The following SPATA6L variants were observed in gnomAD, a reference collection of about 807,000 sequenced individuals.
SPATA6L encodes spermatogenesis associated 6 like, also known as spermatogenesis associated 6-like protein.
A neutral mutation model predicts 49.2 loss-of-function variants in SPATA6L; 68 were observed. The ratio of observed to expected loss-of-function variants is 1.38; its 90% CI spans 1.14 to 1.69. The LOEUF is 1.69. Among genes scored for constraint, SPATA6L ranks in the 40% most tolerant of loss-of-function variants. The pLI is 0.00. For synonymous variants in SPATA6L, 198 were observed against 165.7 expected (o/e 1.19, Z -1.50); for missense variants, 668 against 464.3 (o/e 1.44, Z -4.03).
chr9:4,607,024 A>G (rs1340827883), intron 9 of SPATA6L, among the ~76,000 whole-genome samples: 1 of 150,488 alleles, frequency 6.6e-6, no homozygotes, highest in African/African-American at 2.5e-5. Flanking sequence ...CGATGCAATC[A>G]ACTGGAAGAA....
intron 5 of SPATA6L, chr9:4,626,346 C>A (rs757348723): frequency 8.0e-6 from 10 of 1,249,032 alleles, no homozygotes; most frequent in Non-Finnish European, 1.0e-5. Flanking sequence ...CCACAGGAAC[C>A]TTCCTCCAAG....
intron 9 of SPATA6L, among the ~76,000 whole-genome samples, chr9:4,615,169 A>G (rs902718356): frequency 2.6e-5 from 4 of 152,194 alleles, no homozygotes; most frequent in Non-Finnish European, 5.9e-5. Context: ...TCCATGAAAC[A>G]TTCCAGAAGT....
chr9:4,656,502 A>AAGGG (rs1395212179), intron 2 of SPATA6L, among the ~76,000 whole-genome samples: 13 of 128,862 alleles, frequency 1.0e-4, no homozygotes, highest in South Asian at 7.1e-4. Flanking sequence ...GGAAGGAAGG[A>AAGGG]AGGGAGGAGC....
At chr9:4,641,976 C>T (rs898296845) in intron 3 of SPATA6L, among the ~76,000 whole-genome samples, 1 of 152,130 alleles carries the variant, frequency 6.6e-6, no homozygotes, top group African/African-American at 2.4e-5. Flanking sequence ...CCATGTTTCC[C>T]GGGCTGTACC....
chr9:4,663,190 A>C (rs1840280941), intron 1 of SPATA6L: 1 of 1,613,978 alleles, frequency 6.2e-7, no homozygotes, highest in Admixed American at 1.7e-5. Flanking sequence ...TACATGCAGT[A>C]CAGCATCGTG....
At chr9:4,622,659 G>C (rs1476731593) in intron 6 of SPATA6L, 149 bp from the exon 7 acceptor site, 6 of 585,454 alleles carry the variant, frequency 1.0e-5, no homozygotes, top group Middle Eastern at 2.6e-4. Context: ...CAGTCTGCAA[G>C]TTTGTTACAT....
At chr9:4,604,129 A>C (rs1177754693) in intron 11 of SPATA6L, 50 bp downstream of exon 11, 4 of 1,282,670 alleles carry the variant, frequency 3.1e-6, no homozygotes, top group Non-Finnish European at 4.4e-6. Flanking sequence ...TCTTTTAGCA[A>C]ACCAAGATAA....
Position 4,656,477 on chromosome 9 carries a change from GA to G in SPATA6L, c.178-389del, listed in dbSNP as rs1167185179. On this transcript the variant is annotated intron_variant, in intron 2 of 11. Coordinates refer to ENST00000682582, the MANE Select transcript of SPATA6L (RefSeq NM_001353486.2). ...GGAAGGAAGGAAGGAAGGAAGGAAG[GA>G]AGGAAGGAAGGAAGGAAGGAAGGAA... Among the ~76,000 whole-genome samples the G allele has an allele frequency of 1.7e-4, 26 of 150,366 alleles. 1 individual carries two copies. Among genetic ancestry groups the G allele is most frequent in the African/African-American group, 6.4e-4 (26 of 40,456 alleles).
intron 3 of SPATA6L, among the ~76,000 whole-genome samples, chr9:4,648,958 A>G (rs1199684984): frequency 6.6e-6 from 1 of 152,166 alleles, no homozygotes; most frequent in African/African-American, 2.4e-5. Flanking sequence ...TACTTCGCTT[A>G]GAATAATAGT....
chr9:4,658,762 C>T (rs939490125), intron 2 of SPATA6L, among the ~76,000 whole-genome samples: 2 of 152,008 alleles, frequency 1.3e-5, no homozygotes, highest in Non-Finnish European at 2.9e-5. Flanking sequence ...AAGGCCAAGG[C>T]GGGCAGATCA....
At chr9:4,616,760 T>C (rs1828112078) in intron 9 of SPATA6L, among the ~76,000 whole-genome samples, 1 of 152,152 alleles carries the variant, frequency 6.6e-6, no homozygotes, top group African/African-American at 2.4e-5. Flanking sequence ...TAATTTTGTA[T>C]TTTTAGTAGA....
intron 5 of SPATA6L, chr9:4,625,935 T>G (rs1830266887): frequency 6.2e-6 from 1 of 161,286 alleles, no homozygotes; most frequent in Non-Finnish European, 1.3e-5. Flanking sequence ...TATGGCTATA[T>G]GTATAGCTAC....
At chr9:4,649,844 G>T (rs1554738938) in intron 3 of SPATA6L, among the ~76,000 whole-genome samples, 1 of 152,166 alleles carries the variant, frequency 6.6e-6, no homozygotes, top group Non-Finnish European at 1.5e-5. Context: ...GAAATGAAAT[G>T]AAAATATCCC....
intron 3 of SPATA6L, among the ~76,000 whole-genome samples, chr9:4,645,422 GC>G (rs1835153655): frequency 1.3e-5 from 2 of 152,142 alleles, no homozygotes; most frequent in Admixed American, 1.3e-4. Context: ...TGGTTGAGGG[GC>G]TGTGTCTGGT....
At chr9:4,656,604 G>C (rs1000208088) in intron 2 of SPATA6L, among the ~76,000 whole-genome samples, 8 of 152,308 alleles carry the variant, frequency 5.3e-5, no homozygotes, top group Middle Eastern at 3.4e-3. Flanking sequence ...ATAGGTGTCT[G>C]ATTAAAAGTT....
In SPATA6L at chr9:4,605,400, C is replaced by A; in HGVS notation, c.1036G>T (p.Glu346Ter). The A allele has an allele frequency of 1.2e-6, 2 of 1,614,178 alleles. No homozygotes were observed. The highest frequency in any genetic ancestry group is 1.1e-5 in the South Asian group (1 of 91,078). ...GATGTCAGAAGACTGCATACCCTCT[C>A]ATGGATATTCTTCCATGTGGACTGA... ...GSQSTWKNIH[E>*]RVCSLLTSHR... is the part of the protein sequence containing the mutation. The change falls in exon 10 of 12, where the codon GAG becomes TAG. Residue 346 changes from glutamate to a stop codon, truncating the protein, a stop_gained. Coordinates refer to ENST00000682582, the MANE Select transcript of SPATA6L (RefSeq NM_001353486.2). LOFTEE classifies it high-confidence loss of function.
At chr9:4,648,511 T>G (rs903534106) in intron 3 of SPATA6L, among the ~76,000 whole-genome samples, 1 of 150,344 alleles carries the variant, frequency 6.7e-6, no homozygotes, top group Non-Finnish European at 1.5e-5. Context: ...CATCCTGGTC[T>G]AACTCGGTGA....
chr9:4,621,130 C>A (rs1282475546), intron 7 of SPATA6L, among the ~76,000 whole-genome samples: 1 of 152,188 alleles, frequency 6.6e-6, no homozygotes, highest in Non-Finnish European at 1.5e-5. Flanking sequence ...TCCAGTACTA[C>A]CAGCAGGCAA....
At chr9:4,597,294 A>G (rs1448873946), downstream of SPATA6L, among the ~76,000 whole-genome samples, 2 of 150,662 alleles carry the variant, frequency 1.3e-5, no homozygotes, top group Non-Finnish European at 2.9e-5. Context: ...TCTATTTTTT[A>G]TATATATAAA....
Sources: gnomAD v4.1 joint callset for allele counts (sites outside exome capture counted in the v4.1 genomes callset) on GRCh38, gnomAD v4.1.1 for gene constraint, MANE v1.5 for transcripts, NCBI Gene and HGNC (gene_info 2026-07-23, HGNC 2026-07-21) for gene names.